The following GDAP1 variants were observed in gnomAD, a reference collection of about 807,000 sequenced individuals.
The protein encoded by GDAP1 is ganglioside induced differentiation associated protein 1, also known as ganglioside-induced differentiation-associated protein 1.
Under a neutral mutation model 40.1 loss-of-function variants are expected in GDAP1, and 34 were observed. The observed-to-expected ratio is 0.85, with a 90% CI of 0.64 to 1.13. GDAP1 has a LOEUF of 1.13. Ranked by LOEUF, GDAP1 falls within the 50% of genes most tolerant of loss-of-function variation. The pLI, the probability that GDAP1 is intolerant of heterozygous loss-of-function variation, is 0.00. For synonymous variants in GDAP1, 170 were observed against 157.4 expected, an observed-to-expected ratio of 1.08 and a Z score of -0.60; for missense variants, 374 against 433.7, an observed-to-expected ratio of 0.86 and a Z score of 1.22.
intron 2 of GDAP1, among the ~76,000 whole-genome samples, chr8:74,464,680 T>G (rs1460448349): frequency 6.6e-6 from 1 of 152,238 alleles, no homozygotes; most frequent in African/African-American, 2.4e-5. Flanking sequence ...GCCTTTGAGT[T>G]GGGCCTGGAT....
At chr8:74,353,361 A>G (rs1471243269) in intron 2 of GDAP1, among the ~76,000 whole-genome samples, 1 of 152,168 alleles carries the variant, frequency 6.6e-6, no homozygotes, top group Admixed American at 6.5e-5. Flanking sequence ...TCAATTGGGA[A>G]GGACGAAAAA....
At chr8:74,414,121 C>A (rs1245866498) in intron 2 of GDAP1, among the ~76,000 whole-genome samples, 2 of 150,274 alleles carry the variant, frequency 1.3e-5, no homozygotes, top group Non-Finnish European at 2.9e-5. Flanking sequence ...ATTAGAACCA[C>A]AACCCCCAGA....
downstream of GDAP1, chr8:74,366,999 G>C (rs1440485864): frequency 3.6e-6 from 1 of 279,678 alleles, no homozygotes; most frequent in Admixed American, 5.0e-5. Context: ...CTTAGCTATA[G>C]GATGCCATAT....
Position 74,434,681 on chromosome 8 carries a change from C to T in GDAP1, c.166-53997C>T, listed in dbSNP as rs530541356. Among the ~76,000 whole-genome samples, 7 of 152,280 alleles carry T rather than the reference C, an allele frequency of 4.6e-5. No individual in the cohort carries two copies. In the East Asian group the frequency reaches 5.8e-4, roughly 13 times the overall value. ...CTTATACCATGCCCCTTCCTTCAGC[C>T]GTCCCAAGAGTAATCATAATTTCAC... On this transcript the variant is annotated intron_variant, in intron 2 of 2. Transcript: ENST00000523640.
At chr8:74,378,468 G>A (rs1809895465) in intron 2 of GDAP1, among the ~76,000 whole-genome samples, 1 of 152,124 alleles carries the variant, frequency 6.6e-6, no homozygotes, top group African/African-American at 2.4e-5. Context: ...TGGCCTCCCT[G>A]GGGTGTGGAA....
chr8:74,358,289 T>C (rs1809198580), intron 2 of GDAP1, among the ~76,000 whole-genome samples: 1 of 152,222 alleles, frequency 6.6e-6, no homozygotes, highest in African/African-American at 2.4e-5. Context: ...AATGGTATGC[T>C]CTTCTGGAGA....
intron 2 of GDAP1, among the ~76,000 whole-genome samples, chr8:74,420,898 G>T (rs1805848691): frequency 6.6e-6 from 1 of 151,816 alleles, no homozygotes; most frequent in Non-Finnish European, 1.5e-5. Context: ...GTGGGGCCTG[G>T]TTATTACTTG....
chr8:74,412,927 CGTG>C (rs1247873976), intron 2 of GDAP1, among the ~76,000 whole-genome samples: 2 of 147,616 alleles, frequency 1.4e-5, no homozygotes, highest in African/African-American at 5.3e-5. Context: ...TTTAGCTGGG[CGTG>C]GTGGCACGTG....
In GDAP1 at chr8:74,399,501, C is replaced by A. The variant is rs1224572519; in HGVS notation, c.165+48180C>A. ...TTTGTTGATCCTTTCAAAAAACCAGCTTCTGGATTCATTAATTTTTTGAAG... is the reference window on the plus strand; with the variant it reads ...TTTGTTGATCCTTTCAAAAAACCAGATTCTGGATTCATTAATTTTTTGAAG... On this transcript the variant is annotated intron_variant, in intron 2 of 2. Coordinates refer to the GDAP1 transcript ENST00000523640. Among the ~76,000 whole-genome samples the A allele has an allele frequency of 6.9e-4, 102 of 148,166 alleles. 5 individuals are homozygous for A. Among genetic ancestry groups the A allele is most frequent in the Middle Eastern group, 3.4e-3 (1 of 294 alleles).
chr8:74,369,008 A>C (rs915927316), downstream of GDAP1, among the ~76,000 whole-genome samples: 4 of 152,184 alleles, frequency 2.6e-5, no homozygotes, highest in Admixed American at 1.3e-4. Context: ...TCATGACAAG[A>C]TCTGCAAGGG....
In GDAP1 at chr8:74,411,380, A is replaced by G. The variant is rs771761993; in HGVS notation, c.165+60059A>G. Among the ~76,000 whole-genome samples the G allele has an allele frequency of 1.9e-4, 29 of 149,788 alleles. 1 individual carries two copies. Among genetic ancestry groups the G allele is most frequent in the South Asian group, 4.1e-4 (2 of 4,834 alleles). ...TTGACTCTTGATTCTGTGTAATGCTATTAACTTTGCTAGGCAATCTGAATG... is the reference window on the plus strand; with the variant it reads ...TTGACTCTTGATTCTGTGTAATGCTGTTAACTTTGCTAGGCAATCTGAATG... On this transcript the variant is annotated intron_variant, in intron 2 of 2. Transcript: ENST00000523640.
intron 2 of GDAP1, among the ~76,000 whole-genome samples, chr8:74,383,690 G>A (rs1245014723): frequency 6.6e-6 from 1 of 152,026 alleles, no homozygotes; most frequent in Admixed American, 6.6e-5. Flanking sequence ...ACATTAATGA[G>A]CCATACCTCT....
chr8:74,369,700 A>G (rs928643900), downstream of GDAP1, among the ~76,000 whole-genome samples: 1 of 151,966 alleles, frequency 6.6e-6, no homozygotes, highest in South Asian at 2.1e-4. Flanking sequence ...ACATTTACTT[A>G]CTCGTCCAAG....
intron 2 of GDAP1, among the ~76,000 whole-genome samples, chr8:74,404,105 G>A (rs76712319): frequency 0.047 from 6,977 of 149,624 alleles, 1,230 homozygotes; most frequent in African/African-American, 0.17. Context: ...GCTATTTCTT[G>A]AGTATTTACA....
chr8:74,401,896 T>A (rs1810348260), intron 2 of GDAP1, among the ~76,000 whole-genome samples: 1 of 149,982 alleles, frequency 6.7e-6, no homozygotes, highest in South Asian at 2.1e-4. Context: ...AATGCTGCTG[T>A]CTGATCGTTC....
chr8:74,357,674 T>G (rs1476428096), intron 2 of GDAP1, among the ~76,000 whole-genome samples: 1 of 152,194 alleles, frequency 6.6e-6, no homozygotes, highest in Non-Finnish European at 1.5e-5. Flanking sequence ...TTCTTCTAGC[T>G]TAATACCAAG....
chr8:74,358,693 T>C (rs979199211), intron 2 of GDAP1, among the ~76,000 whole-genome samples: 3 of 152,182 alleles, frequency 2.0e-5, no homozygotes, highest in African/African-American at 7.2e-5. Context: ...AAAAATATCT[T>C]TGTAGATCCC....
rs140955331 is a variant in GDAP1 at position 74,362,771 on chromosome 8, G to GCT, written c.580-155_580-154dup. ...AGCTGGGATATTTCCCTTCAACTTA[G>GCT]CTCTCTCTCTCTCTTTTTTTTTTTT... is the stretch of plus-strand genomic sequence containing the variant. On this transcript the variant is annotated intron_variant, in intron 4 of 5. Transcript: ENST00000220822. 0.022 allele frequency among the ~76,000 whole-genome samples: 2,132 copies of GCT among 95,420 alleles called. 191 individuals are homozygous for GCT. Among genetic ancestry groups the GCT allele is most frequent in the African/African-American group, 0.052 (1,224 of 23,548 alleles). 62.6% of individuals were successfully genotyped at this position (95,420 alleles called of 152,430 possible).
chr8:74,392,627 A>G lies in GDAP1; in HGVS notation c.165+41306A>G, dbSNP rs1269651415. 3.3e-5 allele frequency among the ~76,000 whole-genome samples: 5 copies of G among 152,232 alleles called. 1 individual carries two copies. The South Asian group carries it at 6.2e-4, about 19-fold the overall frequency. On this transcript the variant is annotated intron_variant, in intron 2 of 2. Coordinates refer to the GDAP1 transcript ENST00000523640. ...TGTTCCCCATTTGATAGAACAGAGCAGTTCCTGGAAATGGATGTGGAGCCA... is the reference window on the plus strand; with the variant it reads ...TGTTCCCCATTTGATAGAACAGAGCGGTTCCTGGAAATGGATGTGGAGCCA...
Sources: allele counts gnomAD v4.1 joint callset (sites outside exome capture counted in the v4.1 genomes callset), GRCh38; gene constraint gnomAD v4.1.1; transcripts MANE v1.5; gene names NCBI Gene and HGNC (gene_info 2026-07-23, HGNC 2026-07-21).